The following USH2A variants were observed in gnomAD, a reference collection of about 807,000 sequenced individuals.
USH2A encodes usherin.
Under a neutral mutation model 538.9 loss-of-function variants are expected in USH2A, and 443 were observed. That is an observed-to-expected ratio of 0.82 (90% CI 0.76 to 0.89). USH2A has a LOEUF of 0.89. Among genes scored for constraint, USH2A ranks in the 40% least tolerant of loss-of-function variants. USH2A has a pLI of 0.00. For missense variants in USH2A, 6,633 were observed against 6,324.8 expected (o/e 1.05, Z -1.65); for synonymous variants, 2,413 against 2,273.5 (o/e 1.06, Z -1.75).
chr1:215,941,094 T>C (rs1186979588), intron 37 of USH2A, among the ~76,000 whole-genome samples: 1 of 152,130 alleles, frequency 6.6e-6, no homozygotes, highest in Non-Finnish European at 1.5e-5. Flanking sequence ...ACAGTCAGAT[T>C]TTCCTAAATG....
At chr1:216,316,769 T>C (rs974042127) in intron 9 of USH2A, among the ~76,000 whole-genome samples, 4 of 152,198 alleles carry the variant, frequency 2.6e-5, no homozygotes, top group Non-Finnish European at 5.9e-5. Context: ...ATACGTTTGT[T>C]GGCCACACAT....
At chr1:216,009,906 T>C (rs1347560838) in intron 32 of USH2A, among the ~76,000 whole-genome samples, 1 of 152,132 alleles carries the variant, frequency 6.6e-6, no homozygotes, top group East Asian at 1.9e-4. Context: ...CCAAATCAGA[T>C]AGCGTTTAGG....
chr1:216,000,307 A>G (rs2102483045), intron 33 of USH2A, 96 bp downstream of exon 33: 1 of 1,533,020 alleles, frequency 6.5e-7, no homozygotes, highest in East Asian at 2.3e-5. Context: ...TTTAATCACA[A>G]TAAAATTAAT....
At chr1:215,638,051 A>G (rs1299065417) in intron 69 of USH2A, among the ~76,000 whole-genome samples, 3 of 152,146 alleles carry the variant, frequency 2.0e-5, no homozygotes, top group African/African-American at 4.8e-5. Flanking sequence ...ATTACCCGAT[A>G]TCAACAGTCA....
intron 50 of USH2A, among the ~76,000 whole-genome samples, chr1:215,796,509 C>A (rs1320467680): frequency 6.6e-6 from 1 of 151,826 alleles, no homozygotes; most frequent in Non-Finnish European, 1.5e-5. Context: ...GTGTCATGAA[C>A]CTTGCCCATA....
At chr1:216,154,517 T>C (rs1448848271) in intron 21 of USH2A, among the ~76,000 whole-genome samples, 1 of 152,208 alleles carries the variant, frequency 6.6e-6, no homozygotes, top group African/African-American at 2.4e-5. Context: ...GAGAATATTT[T>C]ATTAATTTTA....
At chr1:216,104,312 C>A (rs1241004298) in intron 21 of USH2A, among the ~76,000 whole-genome samples, 1 of 151,372 alleles carries the variant, frequency 6.6e-6, no homozygotes. Flanking sequence ...TGAGAACATG[C>A]GGTGTTTGGT....
chr1:215,712,884 C>T (rs1330993962), intron 61 of USH2A, among the ~76,000 whole-genome samples: 8 of 151,560 alleles, frequency 5.3e-5, no homozygotes, highest in African/African-American at 1.9e-4. Flanking sequence ...CGGCTCACTG[C>T]AACCTCCACC....
At chr1:215,760,145 T>G (rs1660937939) in intron 56 of USH2A, among the ~76,000 whole-genome samples, 1 of 152,184 alleles carries the variant, frequency 6.6e-6, no homozygotes, top group Non-Finnish European at 1.5e-5. Context: ...GATTTCAAAC[T>G]TTTTAATACA....
intron 1 of USH2A, among the ~76,000 whole-genome samples, chr1:216,422,941 T>C (rs1300684475): frequency 6.6e-6 from 1 of 152,102 alleles, no homozygotes; most frequent in Non-Finnish European, 1.5e-5. Flanking sequence ...AGATTTTCTT[T>C]ACACATGCAC....
At chr1:216,112,017 TTTC>T (rs1414967833) in intron 21 of USH2A, among the ~76,000 whole-genome samples, 1 of 152,068 alleles carries the variant, frequency 6.6e-6, no homozygotes, top group Non-Finnish European at 1.5e-5. Flanking sequence ...AGAAAAACTT[TTTC>T]TTTTTACTTG....
At chr1:215,848,780 T>G (rs572757231) in intron 44 of USH2A, among the ~76,000 whole-genome samples, 5 of 152,308 alleles carry the variant, frequency 3.3e-5, no homozygotes, top group African/African-American at 9.6e-5. Context: ...GTCCAAAACA[T>G]AGAAAAATGT....
rs1191086387 is a variant in USH2A, at chr1:216,148,345, T to C, written c.4627+26907A>G. ...TAACTAAATTATCTGCTTCCCTGAC[T>C]ATTCCTGGACTACAGCTATATCTCA... On this transcript the variant is annotated intron_variant, in intron 21 of 71. Coordinates refer to ENST00000307340, the MANE Select transcript of USH2A (RefSeq NM_206933.4). Among the ~76,000 whole-genome samples, 31 of 152,028 alleles carry C rather than the reference T, an allele frequency of 2.0e-4. No individual in the cohort carries two copies. The South Asian group carries it at 6.0e-3, about 30-fold the overall frequency.
intron 50 of USH2A, among the ~76,000 whole-genome samples, chr1:215,795,531 A>G (rs989914179): frequency 5.3e-5 from 8 of 152,208 alleles, no homozygotes. Context: ...TTAACAAAGG[A>G]CGGAGTATAG....
At chr1:216,407,224 C>CT in intron 3 of USH2A, among the ~76,000 whole-genome samples, 1 of 152,148 alleles carries the variant, frequency 6.6e-6, no homozygotes, top group East Asian at 1.9e-4. Flanking sequence ...CACTGTTTGA[C>CT]TTTTTTCAGA....
chr1:215,795,737 G>C (rs938362391), intron 50 of USH2A, among the ~76,000 whole-genome samples: 6 of 152,110 alleles, frequency 3.9e-5, no homozygotes, highest in African/African-American at 1.4e-4. Context: ...TATTCAACTG[G>C]TTAGTCATAG....
intron 3 of USH2A, among the ~76,000 whole-genome samples, chr1:216,405,825 A>T (rs774494635): frequency 3.9e-5 from 6 of 152,222 alleles, no homozygotes; most frequent in Non-Finnish European, 8.8e-5. Flanking sequence ...GTACCCACAT[A>T]CCGTGGAATG....
chr1:215,977,662 G>T (rs184528301), intron 35 of USH2A, among the ~76,000 whole-genome samples: 1 of 151,874 alleles, frequency 6.6e-6, no homozygotes, highest in Non-Finnish European at 1.5e-5. Context: ...ATAGGTGCCC[G>T]CCATCACGCC....
At chr1:216,194,317 G>C (rs918115898) in intron 19 of USH2A, 2 of 152,008 alleles carry the variant, frequency 1.3e-5, no homozygotes, top group African/African-American at 2.4e-5. Flanking sequence ...ACCAGTAGAA[G>C]GTAATTCACT....
Sources: allele counts gnomAD v4.1 joint callset (sites outside exome capture counted in the v4.1 genomes callset), GRCh38; gene constraint gnomAD v4.1.1; transcripts MANE v1.5; gene names NCBI Gene and HGNC (gene_info 2026-07-23, HGNC 2026-07-21).